TDRD7: variants seen among roughly 807,000 people sequenced by gnomAD.
The protein encoded by TDRD7 is tudor domain containing 7, also known as tudor domain-containing protein 7.
A neutral mutation model predicts 109.8 loss-of-function variants in TDRD7; 47 were observed. The observed-to-expected ratio is 0.43, with a 90% CI of 0.34 to 0.55. TDRD7 has a LOEUF of 0.55. Among genes scored for constraint, TDRD7 ranks in the 20% least tolerant of loss-of-function variants. The pLI is 0.03. For synonymous variants in TDRD7, 424 were observed against 457.3 expected, an observed-to-expected ratio of 0.93 and a Z score of 0.93; for missense variants, 1,164 against 1,319.2, an observed-to-expected ratio of 0.88 and a Z score of 1.82.
intron 15 of TDRD7, 23 bp downstream of exon 15, chr9:97,483,374 T>A: frequency 6.2e-7 from 1 of 1,611,552 alleles, no homozygotes; most frequent in Non-Finnish European, 8.5e-7. Flanking sequence ...ACAAAGCATT[T>A]TATTCTACTC....
At chr9:97,493,333 C>CG in intron 16 of TDRD7, among the ~76,000 whole-genome samples, 1 of 152,010 alleles carries the variant, frequency 6.6e-6, no homozygotes, top group East Asian at 1.9e-4. Flanking sequence ...GCTGGGTGTC[C>CG]GGGGGAGACA....
rs1827792453 is a variant in TDRD7 at position 97,415,213 on chromosome 9, G to A, written c.-7+2975G>A. ...ACTGATGACATGAAAAATGTAGTAA[G>A]GAAGATGAGCCAAATCATACAGTTG... is the stretch of plus-strand genomic sequence containing the variant. On this transcript the variant is annotated intron_variant, in intron 1 of 16. Transcript: ENST00000355295. 3.3e-5 allele frequency among the ~76,000 whole-genome samples: 5 copies of A among 152,152 alleles called. No individual in the cohort carries two copies. In the South Asian group the frequency reaches 1.0e-3, roughly 31 times the overall value.
chr9:97,470,337 G>A (rs1828889110), intron 8 of TDRD7, among the ~76,000 whole-genome samples: 1 of 152,130 alleles, frequency 6.6e-6, no homozygotes, highest in Admixed American at 6.5e-5. Context: ...GTAGGGTGAG[G>A]TAGAAGACTG....
At chr9:97,449,228 T>C (rs1828449500) in intron 6 of TDRD7, among the ~76,000 whole-genome samples, 1 of 152,176 alleles carries the variant, frequency 6.6e-6, no homozygotes, top group Admixed American at 6.6e-5. Flanking sequence ...TGTGACCAAA[T>C]GTGGGCGTTT....
At chr9:97,484,596 A>C (rs1829179536) in intron 15 of TDRD7, among the ~76,000 whole-genome samples, 1 of 152,146 alleles carries the variant, frequency 6.6e-6, no homozygotes, top group African/African-American at 2.4e-5. Flanking sequence ...TGTCATTTTC[A>C]TGGGAGAAAA....
At chr9:97,488,599 C>G (rs1293481926) in intron 16 of TDRD7, among the ~76,000 whole-genome samples, 1 of 136,812 alleles carries the variant, frequency 7.3e-6, no homozygotes, top group Non-Finnish European at 1.6e-5. Context: ...TTCTAATGCT[C>G]AGGTTTTCCT....
intron 10 of TDRD7, among the ~76,000 whole-genome samples, chr9:97,472,717 A>G (rs898729850): frequency 6.6e-6 from 1 of 152,196 alleles, no homozygotes; most frequent in Non-Finnish European, 1.5e-5. Context: ...TGCAATGAGC[A>G]TCTATTGATT....
At chr9:97,479,074 G>C (rs182561171) in intron 13 of TDRD7, among the ~76,000 whole-genome samples, 35 of 152,114 alleles carry the variant, frequency 2.3e-4, no homozygotes, top group Middle Eastern at 3.4e-3. Context: ...ATTTTGAATT[G>C]TTTAGAACTA....
chr9:97,437,465 A>G (rs998830308), intron 4 of TDRD7, among the ~76,000 whole-genome samples: 1 of 152,196 alleles, frequency 6.6e-6, no homozygotes, highest in Non-Finnish European at 1.5e-5. Context: ...TTATACTAGC[A>G]AAGTTGAAAT....
chr9:97,439,210 C>T (rs1828252977), intron 4 of TDRD7, 35 bp from the exon 5 acceptor site: 1 of 1,499,250 alleles, frequency 6.7e-7, no homozygotes, highest in Non-Finnish European at 8.9e-7. Flanking sequence ...TTGTTATTTA[C>T]ATTTATTTTA....
intron 16 of TDRD7, among the ~76,000 whole-genome samples, chr9:97,491,063 GCAC>G (rs1829301657): frequency 6.6e-6 from 1 of 151,814 alleles, no homozygotes. Context: ...CTACAGGCAT[GCAC>G]CACCACACCT....
At chr9:97,431,970 G>C in intron 3 of TDRD7, 55 bp from the exon 4 acceptor site, 1 of 1,497,008 alleles carries the variant, frequency 6.7e-7, no homozygotes, top group South Asian at 1.1e-5. Context: ...GTGTCATAAT[G>C]AAAGTGGGGT....
chr9:97,433,408 G>A (rs1404066534), intron 4 of TDRD7, among the ~76,000 whole-genome samples: 1 of 151,964 alleles, frequency 6.6e-6, no homozygotes. Flanking sequence ...AATCCAGTAT[G>A]TGACAGAGGT....
chr9:97,428,977 C>T (rs1027415570), intron 2 of TDRD7, among the ~76,000 whole-genome samples: 2 of 152,150 alleles, frequency 1.3e-5, no homozygotes, highest in African/African-American at 4.8e-5. Flanking sequence ...AATATCACAC[C>T]TGCCTATTAC....
chr9:97,470,679 AC>A lies in TDRD7; in HGVS notation c.1741+11del. 1.2e-6 allele frequency: 2 copies of A among 1,607,984 alleles called. No homozygotes were observed. The highest frequency in any genetic ancestry group is 1.3e-5 in the African/African-American group (1 of 74,914). Reference sequence around the variant, plus strand: ...AAATGTAAGCTTGCAGGTAAGAGGAACTTTTTAAAAAACTCTCTCCATTTCA... The same window carrying A: ...AAATGTAAGCTTGCAGGTAAGAGGAATTTTTAAAAAACTCTCTCCATTTCA... On this transcript the variant is annotated intron_variant, in intron 9 of 16. Transcript: ENST00000355295.
Position 97,495,875 on chromosome 9 carries a change from GTTAA to G in TDRD7, c.3295_*1del, listed in dbSNP as rs1564220835. On this transcript the variant is annotated frameshift_variant, in exon 17 of 17. Transcript: ENST00000355295. LOFTEE classifies it high-confidence loss of function. ...AGAGTATCTGATAGAGCTTTCAAAA[GTTAA>G]TTAATGACTGCCTCTGAAACCTTGA... 4 of 1,613,610 alleles carry G rather than the reference GTTAA, an allele frequency of 2.5e-6. No homozygotes were observed. The highest frequency in any genetic ancestry group is 1.1e-5 in the South Asian group (1 of 91,070).
In TDRD7 at chr9:97,432,092, T is replaced by C; in HGVS notation, c.417T>C (p.Asn139=). The part of the protein sequence containing the change: ...ASNFSVGKKP[N]PAPLRDKGNS... ...ATTTTTCTGTTGGCAAAAAACCTAA[T>C]CCAGCACCGTTAAGAGACAAAGGAA... Residue 139 remains asparagine, a synonymous_variant, in exon 4 of 17, where the codon AAT becomes AAC. Coordinates refer to ENST00000355295, the MANE Select transcript of TDRD7 (RefSeq NM_014290.3). 1 of 1,613,842 alleles carries C rather than the reference T, an allele frequency of 6.2e-7. No individual in the cohort carries two copies. Among genetic ancestry groups the C allele is most frequent in the Non-Finnish European group, 8.5e-7 (1 of 1,179,812 alleles).
Position 97,460,451 on chromosome 9 carries a change from G to T in TDRD7, c.1129G>T (p.Ala377Ser). Reference sequence around the variant, plus strand: ...GTACAAAGTGAAATTCCCTGAGGATGCCTTAAAAAATCTTGCCTCACTTTC... The same window carrying T: ...GTACAAAGTGAAATTCCCTGAGGATTCCTTAAAAAATCTTGCCTCACTTTC... ...EMYKVKFPED[A>S]LKNLASLSDV... is the part of the protein sequence containing the mutation. Residue 377 changes from alanine to serine, a missense_variant, in exon 7 of 17, where the codon GCC (alanine) becomes TCC (serine). Ala to Ser is a moderately conservative substitution (Grantham distance 99). Transcript: ENST00000355295. The T allele has an allele frequency of 6.2e-7, 1 of 1,614,210 alleles. No homozygotes were observed. The highest frequency in any genetic ancestry group is 8.5e-7 in the Non-Finnish European group (1 of 1,180,048).
chr9:97,463,623 G>C (rs762528985), intron 7 of TDRD7, among the ~76,000 whole-genome samples: 2 of 152,074 alleles, frequency 1.3e-5, no homozygotes, highest in African/African-American at 2.4e-5. Context: ...CAGCTAAAAA[G>C]GCCTCGATCC....
Sources: allele counts gnomAD v4.1 joint callset (sites outside exome capture counted in the v4.1 genomes callset), GRCh38; gene constraint gnomAD v4.1.1; transcripts MANE v1.5; gene names NCBI Gene and HGNC (gene_info 2026-07-23, HGNC 2026-07-21).